Variants in SHROOM2 observed in about 807,000 individuals in gnomAD.
SHROOM2 encodes the protein protein Shroom2.
A neutral mutation model predicts 75.9 loss-of-function variants in SHROOM2; 33 were observed. The ratio of observed to expected loss-of-function variants is 0.43; its 90% CI spans 0.33 to 0.58. The LOEUF (loss-of-function observed/expected upper bound fraction) is 0.58, where lower values mean the gene tolerates loss of function less well. Among genes scored for constraint, SHROOM2 ranks in the 20% least tolerant of loss-of-function variants. The pLI is 0.04. For synonymous variants in SHROOM2, 655 were observed against 663.6 expected (o/e 0.99, Z 0.20); for missense variants, 1,434 against 1,461.2 (o/e 0.98, Z 0.30).
intron 5 of SHROOM2, among the ~76,000 whole-genome samples, chrX:9,922,079 G>A (rs1006162377): frequency 9.0e-6 from 1 of 111,649 alleles, no homozygotes; most frequent in African/African-American, 3.3e-5. Flanking sequence ...TTAGAAATGA[G>A]TTCTCTGTCT....
chrX:9,804,610 A>G (rs2083741809), intron 1 of SHROOM2, among the ~76,000 whole-genome samples: 1 of 111,411 alleles, frequency 9.0e-6, no homozygotes, highest in Admixed American at 9.6e-5. Context: ...CACTGCAAGG[A>G]AGAGTCTCTG....
intron 1 of SHROOM2, chrX:9,865,215 T>C (rs1402797559): frequency 8.9e-6 from 1 of 112,026 alleles, no homozygotes; most frequent in Non-Finnish European, 1.9e-5. Context: ...TTCACCTCTT[T>C]TAAAAAAAGC....
At chrX:9,833,608 C>CTGTGTG (rs144161839) in intron 1 of SHROOM2, among the ~76,000 whole-genome samples, 1,800 of 95,318 alleles carry the variant, frequency 0.019, 44 homozygotes, top group African/African-American at 0.064. Context: ...CAAGTAGACT[C>CTGTGTG]TGTGTGTGTG....
chrX:9,790,061 G>C (rs2083639091), intron 1 of SHROOM2, among the ~76,000 whole-genome samples: 1 of 112,327 alleles, frequency 8.9e-6, no homozygotes, highest in South Asian at 3.7e-4. Flanking sequence ...GTCCTTTCCA[G>C]TGTGAATGCC....
chrX:9,791,082 C>T (rs1412263543), intron 1 of SHROOM2, among the ~76,000 whole-genome samples: 6 of 109,918 alleles, frequency 5.5e-5, no homozygotes, highest in Non-Finnish European at 7.6e-5. Flanking sequence ...AGGATGCGTT[C>T]GGTCTTCATG....
At position 9,894,680 on chromosome X, in the gene SHROOM2, C is replaced by G; in HGVS notation, c.772C>G (p.Pro258Ala). 8.3e-7 allele frequency: 1 copy of G among 1,210,197 alleles called. No homozygotes were observed. The highest frequency in any genetic ancestry group is 1.1e-6 in the Non-Finnish European group (1 of 894,565). ...CCGGCAGGCCCAGGCCGCAGGCGAC[C>G]CTCAGGGCTCGGAGGAGAAGCTCAG... ...GGRQAQAAGD[P>A]QGSEEKLSCF... The change falls in exon 4 of 10, where the codon CCT (proline) becomes GCT (alanine). Residue 258 changes from proline to alanine, a missense_variant. Pro to Ala is a conservative substitution (Grantham distance 27). Coordinates refer to ENST00000380913, the MANE Select transcript of SHROOM2 (RefSeq NM_001649.4).
chrX:9,888,256 G>A (rs998236622), intron 2 of SHROOM2, among the ~76,000 whole-genome samples: 3 of 94,674 alleles, frequency 3.2e-5, no homozygotes, highest in South Asian at 4.2e-4. Flanking sequence ...CTTTTTCCAC[G>A]TTGCCTCTGC....
At chrX:9,913,901 A>G (rs1249669591) in intron 5 of SHROOM2, among the ~76,000 whole-genome samples, 2 of 112,189 alleles carry the variant, frequency 1.8e-5, no homozygotes, top group Non-Finnish European at 3.8e-5. Context: ...ATTACGGAAT[A>G]GAACCTTTGA....
chrX:9,828,923 C>A (rs1335551476), intron 1 of SHROOM2, among the ~76,000 whole-genome samples: 8 of 112,975 alleles, frequency 7.1e-5, no homozygotes, highest in Admixed American at 6.6e-4. Context: ...AAACCAGATG[C>A]TAATCCTTTG....
intron 1 of SHROOM2, among the ~76,000 whole-genome samples, chrX:9,796,832 G>A (rs900974675): frequency 5.4e-5 from 6 of 110,574 alleles, no homozygotes; most frequent in Non-Finnish European, 1.9e-5. Flanking sequence ...TTCTGTAGAG[G>A]TAGGGTTTCG....
At chrX:9,792,896 G>C (rs2083674920) in intron 1 of SHROOM2, among the ~76,000 whole-genome samples, 1 of 110,921 alleles carries the variant, frequency 9.0e-6, no homozygotes, top group African/African-American at 3.3e-5. Flanking sequence ...TTTTAGTAGA[G>C]ACAGGGTTTC....
At chrX:9,834,427 G>A (rs188458002) in intron 1 of SHROOM2, among the ~76,000 whole-genome samples, 2 of 112,124 alleles carry the variant, frequency 1.8e-5, no homozygotes, top group African/African-American at 6.5e-5. Flanking sequence ...GAACCGAGCC[G>A]GCAAGACAGG....
chrX:9,909,507 C>A (rs1012488726), intron 5 of SHROOM2, among the ~76,000 whole-genome samples: 1 of 112,293 alleles, frequency 8.9e-6, no homozygotes, highest in Non-Finnish European at 1.9e-5. Flanking sequence ...AGGAGAGGAA[C>A]ATCACAGTGG....
At position 9,946,940 on chromosome X, in the gene SHROOM2, G is replaced by C; in HGVS notation, c.*3G>C. 1 of 1,189,989 alleles carries C rather than the reference G, an allele frequency of 8.4e-7. No homozygotes were observed. Among genetic ancestry groups the C allele is most frequent in the Non-Finnish European group, 1.1e-6 (1 of 883,608 alleles). On this transcript the variant is annotated 3_prime_UTR_variant, in exon 10 of 10. Coordinates refer to ENST00000380913, the MANE Select transcript of SHROOM2 (RefSeq NM_001649.4). ...TTCAGCCCGAAAGGGGCAAATAAGA[G>C]ACCAGTCCCCGGTGGAGGAGGGGCA...
chrX:9,791,888 GGGAGGCTCC>G (rs1377523807), intron 1 of SHROOM2, among the ~76,000 whole-genome samples: 2 of 108,295 alleles, frequency 1.8e-5, no homozygotes, highest in Non-Finnish European at 3.8e-5. Context: ...CCAGCTACTC[GGGAGGCTCC>G]CGGGAGGCAG....
intron 2 of SHROOM2, among the ~76,000 whole-genome samples, chrX:9,875,719 C>T (rs757812946): frequency 1.8e-5 from 2 of 112,906 alleles, no homozygotes; most frequent in South Asian, 7.2e-4. Context: ...GACCCTTTCA[C>T]ATCATCTCTA....
rs1232802420 is a variant in SHROOM2 at position 9,838,371 on chromosome X, G to C, written c.166-35281G>C. Among the ~76,000 whole-genome samples the C allele has an allele frequency of 2.7e-5, 3 of 110,847 alleles. No individual in the cohort carries two copies. In the East Asian group the frequency reaches 8.5e-4, roughly 32 times the overall value. On this transcript the variant is annotated intron_variant, in intron 1 of 9. Coordinates refer to ENST00000380913, the MANE Select transcript of SHROOM2 (RefSeq NM_001649.4). ...CACCGCACCCGGCCTTAAATCAGGAGTTTTAAGGTCACGAGCTGGCTGGGA... is the reference window on the plus strand; with the variant it reads ...CACCGCACCCGGCCTTAAATCAGGACTTTTAAGGTCACGAGCTGGCTGGGA...
Position 9,936,848 on chromosome X carries a change from C to T in SHROOM2, c.3588-286C>T, listed in dbSNP as rs2084713638. On this transcript the variant is annotated intron_variant, in intron 6 of 9. Coordinates refer to ENST00000380913, the MANE Select transcript of SHROOM2 (RefSeq NM_001649.4). ...AAATGGTATTAAATAGTCCTCACAG[C>T]CCTCCACGAACCCCTGGAGGACACC... is the stretch of plus-strand genomic sequence containing the variant. Among the ~76,000 whole-genome samples the T allele has an allele frequency of 2.7e-5, 3 of 112,171 alleles. No individual in the cohort carries two copies. In the South Asian group the frequency reaches 1.1e-3, roughly 42 times the overall value.
rs201503800 is a variant in SHROOM2 at position 9,935,310 on chromosome X, T to TTTATTATTATTATTATTA, written c.3588-1815_3588-1798dup. Among the ~76,000 whole-genome samples the TTTATTATTATTATTATTA allele has an allele frequency of 2.4e-4, 24 of 99,168 alleles. No individual in the cohort carries two copies. The East Asian group carries it at 3.2e-3, about 13-fold the overall frequency. The allele number at this position is 99,168 out of a possible 115,157, so 86.1% of individuals were successfully genotyped here. On this transcript the variant is annotated intron_variant, in intron 6 of 9. Coordinates refer to ENST00000380913, the MANE Select transcript of SHROOM2 (RefSeq NM_001649.4). The stretch of plus-strand genomic sequence containing the variant: ...AAGGTGGCCAGGTTTTCCTCCTTCT[T>TTTATTATTATTATTATTA]TTATTATTATTATTATTATTATTAT...
Sources: allele counts gnomAD v4.1 joint callset (sites outside exome capture counted in the v4.1 genomes callset), GRCh38; gene constraint gnomAD v4.1.1; transcripts MANE v1.5; gene names NCBI Gene and HGNC (gene_info 2026-07-23, HGNC 2026-07-21).